LRPPRC: variants seen among roughly 807,000 people sequenced by gnomAD.
LRPPRC encodes leucine-rich PPR motif-containing protein, mitochondrial.
In LRPPRC, 120 loss-of-function variants were observed where a neutral mutation model predicts 180.3. That is an observed-to-expected ratio of 0.67 (90% confidence interval 0.57 to 0.77). The LOEUF is 0.77. Ranked by LOEUF, LRPPRC falls within the 30% of genes least tolerant of loss-of-function variation. The pLI is 0.00. For synonymous variants in LRPPRC, 723 were observed against 600.0 expected (o/e 1.21, Z -3.00); for missense variants, 2,012 against 1,657.2 (o/e 1.21, Z -3.72).
chr2:43,918,813 A>ATCTC (rs1387131670), intron 27 of LRPPRC, among the ~76,000 whole-genome samples: 178 of 144,886 alleles, frequency 1.2e-3, no homozygotes, highest in African/African-American at 2.1e-3. Flanking sequence ...ATATATAGAT[A>ATCTC]TATATATATC....
At chr2:43,959,441 A>C (rs181976437) in intron 13 of LRPPRC, among the ~76,000 whole-genome samples, 64 of 152,348 alleles carry the variant, frequency 4.2e-4, no homozygotes, top group Non-Finnish European at 6.3e-4. Context: ...CAGTTTGAAT[A>C]TAACATTAAT....
chr2:43,980,831 C>G (rs1054731065), intron 2 of LRPPRC, among the ~76,000 whole-genome samples: 18 of 152,086 alleles, frequency 1.2e-4, no homozygotes, highest in Non-Finnish European at 4.4e-5. Context: ...CTAGTTGTTG[C>G]CTACGGCTGG....
At chr2:43,896,216 TTCTTTC>T (rs1281901611) in intron 35 of LRPPRC, 7,552 of 70,874 alleles carry the variant, frequency 0.11, 963 homozygotes, top group East Asian at 0.46. Context: ...CTTTCTTTCT[TTCTTTC>T]TTTTTTTTTT....
intron 34 of LRPPRC, among the ~76,000 whole-genome samples, chr2:43,897,683 C>T (rs373360317): frequency 3.8e-4 from 58 of 152,166 alleles, no homozygotes; most frequent in African/African-American, 1.1e-3. Context: ...TCAGCTACCA[C>T]CAAGAGCCCT....
chr2:43,932,215 AAAAC>A (rs375040390), intron 25 of LRPPRC, among the ~76,000 whole-genome samples: 36 of 151,462 alleles, frequency 2.4e-4, no homozygotes, highest in South Asian at 4.2e-4. Flanking sequence ...ATTCATCTTA[AAAAC>A]AAACAAACAA....
chr2:43,901,446 GC>G lies in LRPPRC; in HGVS notation c.3442del (p.Ala1148HisfsTer4). 6.2e-7 allele frequency: 1 copy of G among 1,613,764 alleles called. No individual in the cohort carries two copies. The highest frequency in any genetic ancestry group is 8.5e-7 in the Non-Finnish European group (1 of 1,179,650). ...TTCAACATCACCCTTCATGGCCAAT[GC>G]CTGGATGACACGGGTCACTGCTAAC... The part of the protein sequence containing the change: ...SRLAVTRVIQ[A>X]LAMKGDVENI... On this transcript the variant is annotated frameshift_variant, in exon 32 of 38. Transcript: ENST00000260665. LOFTEE classifies it high-confidence loss of function.
intron 30 of LRPPRC, among the ~76,000 whole-genome samples, chr2:43,908,441 G>A (rs1671137003): frequency 6.6e-6 from 1 of 152,110 alleles, no homozygotes. Flanking sequence ...TAAAATTGAA[G>A]AAATCTTATT....
intron 11 of LRPPRC, among the ~76,000 whole-genome samples, chr2:43,971,623 G>C (rs1673816231): frequency 7.0e-6 from 1 of 143,258 alleles, no homozygotes; most frequent in African/African-American, 2.8e-5. Context: ...TTTCTGAAGA[G>C]ATGTATTTAT....
At chr2:43,933,799 C>A (rs530692386) in intron 25 of LRPPRC, among the ~76,000 whole-genome samples, 2 of 152,292 alleles carry the variant, frequency 1.3e-5, no homozygotes, top group African/African-American at 2.4e-5. Flanking sequence ...ACAAATAAAT[C>A]TTGAGCATGG....
chr2:43,966,928 G>A (rs759862317), intron 11 of LRPPRC, among the ~76,000 whole-genome samples: 2 of 151,840 alleles, frequency 1.3e-5, no homozygotes, highest in East Asian at 3.9e-4. Context: ...GCACACACCT[G>A]TAATCCCAGC....
chr2:43,898,092 AG>A (rs1370895561), intron 34 of LRPPRC, among the ~76,000 whole-genome samples: 1 of 150,586 alleles, frequency 6.6e-6, no homozygotes, highest in African/African-American at 2.4e-5. Flanking sequence ...AAAAAAACAA[AG>A]GAAAAAAAGT....
At chr2:43,921,435 G>A (rs1671696297) in intron 27 of LRPPRC, among the ~76,000 whole-genome samples, 1 of 152,150 alleles carries the variant, frequency 6.6e-6, no homozygotes, top group African/African-American at 2.4e-5. Flanking sequence ...TATTTTTCTT[G>A]TGAATTTATT....
At chr2:43,985,653 C>T (rs952969451) in intron 1 of LRPPRC, among the ~76,000 whole-genome samples, 2 of 152,222 alleles carry the variant, frequency 1.3e-5, no homozygotes, top group Non-Finnish European at 2.9e-5. Context: ...TGTCTTTTCA[C>T]AGCATGACGG....
intron 35 of LRPPRC, among the ~76,000 whole-genome samples, chr2:43,895,287 G>T (rs1179186613): frequency 6.6e-6 from 1 of 152,136 alleles, no homozygotes; most frequent in Non-Finnish European, 1.5e-5. Context: ...CTATTCTACT[G>T]TCAAGCAATG....
At chr2:43,902,461 A>G (rs1670922409) in intron 31 of LRPPRC, 2 of 152,196 alleles carry the variant, frequency 1.3e-5, no homozygotes, top group Admixed American at 1.3e-4. Context: ...CAGCTTTCCA[A>G]CTAAGAACAG....
chr2:43,893,445 A>G (rs1670568393), intron 36 of LRPPRC, among the ~76,000 whole-genome samples: 1 of 152,210 alleles, frequency 6.6e-6, no homozygotes, highest in South Asian at 2.1e-4. Context: ...TTTAGCAATC[A>G]TCACCCTGAT....
intron 31 of LRPPRC, 145 bp from the exon 32 acceptor site, chr2:43,901,669 T>G (rs1219406376): frequency 1.8e-5 from 12 of 659,050 alleles, no homozygotes; most frequent in Non-Finnish European, 3.2e-5. Context: ...AGAAAATTAT[T>G]AATACTTCAT....
intron 31 of LRPPRC, 108 bp downstream of exon 31, chr2:43,905,584 A>G: frequency 1.2e-6 from 1 of 806,830 alleles, no homozygotes; most frequent in South Asian, 1.4e-5. Flanking sequence ...GCTCTTGATA[A>G]GCAGGTAATT....
chr2:43,935,192 A>C (rs1411659946), intron 23 of LRPPRC, among the ~76,000 whole-genome samples: 5 of 152,216 alleles, frequency 3.3e-5, no homozygotes, highest in Non-Finnish European at 7.4e-5. Flanking sequence ...GTAAATTCTG[A>C]CTTTATGTAG....
Sources: gnomAD v4.1 joint callset for allele counts (sites outside exome capture counted in the v4.1 genomes callset) on GRCh38, gnomAD v4.1.1 for gene constraint, MANE v1.5 for transcripts, NCBI Gene and HGNC (gene_info 2026-07-23, HGNC 2026-07-21) for gene names.